The following ERC1 variants were observed in gnomAD, a reference collection of about 807,000 sequenced individuals.
The protein encoded by ERC1 is ELKS/RAB6-interacting/CAST family member 1.
ERC1 carries 56 observed loss-of-function variants against 132.0 expected under a neutral mutation model. The observed-to-expected ratio is 0.42, with a 90% CI of 0.34 to 0.53. The LOEUF (loss-of-function observed/expected upper bound fraction) is 0.53, where lower values mean the gene tolerates loss of function less well. Ranked by LOEUF, ERC1 falls within the 20% of genes least tolerant of loss-of-function variation. The pLI is 0.03. For synonymous variants in ERC1, 478 were observed against 476.1 expected (o/e 1.00, Z -0.05); for missense variants, 1,202 against 1,349.9 (o/e 0.89, Z 1.72).
At chr12:1,120,499 G>A (rs959153064) in intron 7 of ERC1, among the ~76,000 whole-genome samples, 1 of 152,120 alleles carries the variant, frequency 6.6e-6, no homozygotes, top group Admixed American at 6.6e-5. Flanking sequence ...GGCACTTGAG[G>A]CTACTCTCAC....
chr12:1,051,222 T>A (rs1213220596), intron 2 of ERC1, among the ~76,000 whole-genome samples: 1 of 152,140 alleles, frequency 6.6e-6, no homozygotes, highest in Admixed American at 6.6e-5. Flanking sequence ...CATCCCCCGA[T>A]TTAATTGGTG....
intron 12 of ERC1, among the ~76,000 whole-genome samples, chr12:1,227,367 CT>C (rs1289991293): frequency 6.6e-6 from 1 of 152,122 alleles, no homozygotes; most frequent in Non-Finnish European, 1.5e-5. Flanking sequence ...TGATTTGCAT[CT>C]TCCTGTGATG....
intron 18 of ERC1, among the ~76,000 whole-genome samples, chr12:1,479,614 T>C (rs934220714): frequency 5.3e-5 from 8 of 152,220 alleles, no homozygotes; most frequent in African/African-American, 1.9e-4. Context: ...GAAAAGTTGC[T>C]ACTAGCTTGT....
intron 12 of ERC1, among the ~76,000 whole-genome samples, chr12:1,202,676 T>G (rs1487148412): frequency 6.6e-6 from 1 of 151,968 alleles, no homozygotes; most frequent in Non-Finnish European, 1.5e-5. Flanking sequence ...AAAAAAGAGT[T>G]GTAATTTGAT....
rs141736652 is a variant in ERC1 at position 1,018,188 on chromosome 12, A to T, written c.-156-9560A>T. Among the ~76,000 whole-genome samples the T allele has an allele frequency of 5.3e-4, 80 of 152,226 alleles. No homozygotes were observed. In the East Asian group the frequency reaches 0.015, roughly 29 times the overall value. ...AAGACATGTACAGAAGGAGGTTGTC[A>T]GTTCATGGAATTTGTTTTATTTATT... On this transcript the variant is annotated intron_variant, in intron 1 of 18. Coordinates refer to ENST00000360905, the MANE Select transcript of ERC1 (RefSeq NM_178040.4).
chr12:1,372,406 T>C (rs2087352027), intron 16 of ERC1, among the ~76,000 whole-genome samples: 1 of 152,228 alleles, frequency 6.6e-6, no homozygotes, highest in South Asian at 2.1e-4. Context: ...GCCCTTTTCT[T>C]TTCCAGCCTA....
At chr12:1,417,562 C>T (rs560769640) in intron 17 of ERC1, among the ~76,000 whole-genome samples, 4 of 151,978 alleles carry the variant, frequency 2.6e-5, no homozygotes, top group African/African-American at 9.7e-5. Context: ...GGCAGATCAC[C>T]CTAAGGTCAG....
chr12:1,339,584 G>A lies in ERC1; in HGVS notation c.2781-32249G>A, dbSNP rs11836125. Among the ~76,000 whole-genome samples the A allele has an allele frequency of 5.8e-3, 862 of 148,226 alleles. 4 individuals are homozygous for A. Among genetic ancestry groups the A allele is most frequent in the African/African-American group, 0.02 (802 of 39,984 alleles). On this transcript the variant is annotated intron_variant, in intron 15 of 18. Transcript: ENST00000360905. The stretch of plus-strand genomic sequence containing the variant: ...CAGCTCAGCTGGACAACTGTGACAG[G>A]GTGCTAGCAGGTGCCAGGGGGTGCC...
chr12:1,211,945 A>T (rs1224861426), intron 12 of ERC1, among the ~76,000 whole-genome samples: 1 of 152,118 alleles, frequency 6.6e-6, no homozygotes, highest in Non-Finnish European at 1.5e-5. Flanking sequence ...GAGGTCAATT[A>T]AATATAAACC....
intron 1 of ERC1, among the ~76,000 whole-genome samples, chr12:1,010,495 GAGAA>G (rs760199820): frequency 1.5e-5 from 2 of 134,056 alleles, no homozygotes; most frequent in East Asian, 2.1e-4. Flanking sequence ...AAAAAAAAAA[GAGAA>G]AGGAAATATG....
At chr12:999,373 A>G (rs1461127483) in intron 1 of ERC1, among the ~76,000 whole-genome samples, 4 of 152,196 alleles carry the variant, frequency 2.6e-5, no homozygotes, top group Non-Finnish European at 5.9e-5. Context: ...ACACATCCAG[A>G]ACGGAATGTA....
chr12:1,327,657 A>G (rs904299144), intron 15 of ERC1, among the ~76,000 whole-genome samples: 2 of 152,074 alleles, frequency 1.3e-5, no homozygotes, highest in Admixed American at 6.6e-5. Flanking sequence ...AAGTAATGTT[A>G]TCTGTTCAGT....
intron 2 of ERC1, among the ~76,000 whole-genome samples, chr12:1,081,255 G>T (rs980231599): frequency 6.6e-6 from 1 of 152,136 alleles, no homozygotes; most frequent in African/African-American, 2.4e-5. Context: ...AAAGGTTCGT[G>T]TACCTTCTTT....
chr12:1,298,100 A>C (rs2080102619), intron 15 of ERC1, among the ~76,000 whole-genome samples: 1 of 152,188 alleles, frequency 6.6e-6, no homozygotes, highest in South Asian at 2.1e-4. Flanking sequence ...TCTAACAAAA[A>C]AAAGAAGAAA....
intron 11 of ERC1, 87 bp downstream of exon 11, chr12:1,183,508 C>T: frequency 2.4e-6 from 2 of 833,004 alleles, no homozygotes; most frequent in Non-Finnish European, 3.5e-6. Flanking sequence ...GAATAATTTA[C>T]CAATGGAATA....
intron 16 of ERC1, among the ~76,000 whole-genome samples, chr12:1,403,615 A>G (rs1442282774): frequency 6.6e-6 from 1 of 152,080 alleles, no homozygotes; most frequent in Non-Finnish European, 1.5e-5. Flanking sequence ...TGTTTTTTTC[A>G]TTCTCTGACG....
chr12:1,165,148 T>G (rs1952274106), intron 8 of ERC1, among the ~76,000 whole-genome samples: 2 of 152,160 alleles, frequency 1.3e-5, no homozygotes. Flanking sequence ...GGTGAATTAA[T>G]GCTACTTACT....
intron 2 of ERC1, 156 bp from the exon 3 acceptor site, chr12:1,083,008 C>A: frequency 1.6e-6 from 1 of 623,000 alleles, no homozygotes; most frequent in Non-Finnish European, 2.7e-6. Context: ...CATATTATCT[C>A]AATCATTTTT....
At chr12:993,958 A>G (rs1960210525) in intron 1 of ERC1, among the ~76,000 whole-genome samples, 1 of 150,746 alleles carries the variant, frequency 6.6e-6, no homozygotes, top group South Asian at 2.1e-4. Flanking sequence ...AACCCCAGCT[A>G]CTCAGGAAGC....
Sources: gnomAD v4.1 joint callset for allele counts (sites outside exome capture counted in the v4.1 genomes callset) on GRCh38, gnomAD v4.1.1 for gene constraint, MANE v1.5 for transcripts, NCBI Gene and HGNC (gene_info 2026-07-23, HGNC 2026-07-21) for gene names.